RFX2: variants seen among roughly 807,000 people sequenced by gnomAD.
The protein encoded by RFX2 is regulatory factor X2.
In RFX2, 20 loss-of-function variants were observed where a neutral mutation model predicts 87.8. The ratio of observed to expected loss-of-function variants is 0.23; its 90% CI spans 0.16 to 0.33. The LOEUF is 0.33. Among genes scored for constraint, RFX2 ranks in the 10% least tolerant of loss-of-function variants. The pLI, the probability that RFX2 is intolerant of heterozygous loss-of-function variation, is 1.00. For missense variants in RFX2, 767 were observed against 1,012.3 expected, an observed-to-expected ratio of 0.76 and a Z score of 3.29; for synonymous variants, 397 against 431.3, an observed-to-expected ratio of 0.92 and a Z score of 0.98.
Position 6,026,277 on chromosome 19 carries a change from GA to G in RFX2, c.523-41del, listed in dbSNP as rs34910462. ...TGCAGAAACAAAACAAAACAAAATGGAAAAAAAAAAAAAGGAAATCAGATGG... is the reference window on the plus strand; with the variant it reads ...TGCAGAAACAAAACAAAACAAAATGGAAAAAAAAAAAAGGAAATCAGATGG... On this transcript the variant is annotated intron_variant, in intron 5 of 17. Transcript: ENST00000303657. The surrounding 1 kb of genome is among the most constrained non-coding windows in gnomAD (Gnocchi z 4.5). 160,935 of 1,026,904 alleles carry G rather than the reference GA, an allele frequency of 0.16. 7 individuals are homozygous for G. The highest frequency in any genetic ancestry group is 0.22 in the South Asian group (11,699 of 53,562). The allele number at this position is 1,026,904 out of a possible 1,614,324, so 63.6% of individuals were successfully genotyped here. A position where few individuals can be genotyped will look rare whatever the true frequency, so the allele number is the denominator to read the frequency against.
At chr19:6,049,855 C>T (rs963098929) in intron 1 of RFX2, among the ~76,000 whole-genome samples, 5 of 152,260 alleles carry the variant, frequency 3.3e-5, no homozygotes, top group Non-Finnish European at 5.9e-5. Context: ...ACACTATTTA[C>T]CATGTGTTGT....
At position 6,024,890 on chromosome 19, in the gene RFX2, G is replaced by A. The variant is rs989017088; in HGVS notation, c.597+1273C>T. On this transcript the variant is annotated intron_variant, in intron 6 of 17. Coordinates refer to ENST00000303657, the MANE Select transcript of RFX2 (RefSeq NM_000635.4). The surrounding 1 kb of genome is among the most constrained non-coding windows in gnomAD (Gnocchi z 5.0). ...AGGACGGGAGTGAGGACGGGATCAC[G>A]GTGAGGACGGGAGTCAGGACGGGAT... Among the ~76,000 whole-genome samples the A allele has an allele frequency of 2.0e-4, 29 of 143,622 alleles. No homozygotes were observed. Among genetic ancestry groups the A allele is most frequent in the Non-Finnish European group, 6.1e-5 (4 of 65,670 alleles). The allele number at this position is 143,622 out of a possible 152,430, so 94.2% of individuals were successfully genotyped here. A position where few individuals can be genotyped will look rare whatever the true frequency, so the allele number is the denominator to read the frequency against.
intron 1 of RFX2, among the ~76,000 whole-genome samples, chr19:6,068,738 TG>T (rs1475764475): frequency 6.6e-6 from 1 of 152,094 alleles, no homozygotes; most frequent in Non-Finnish European, 1.5e-5. Context: ...CACAGGCCAT[TG>T]TAGGGGCTCT....
intron 5 of RFX2, among the ~76,000 whole-genome samples, chr19:6,038,289 T>C (rs113735104): frequency 0.025 from 3,054 of 122,384 alleles, 73 homozygotes; most frequent in Middle Eastern, 0.13. Flanking sequence ...ATGGTGCCAC[T>C]GCACTCCAGC....
chr19:6,072,268 GACCTT>G (rs1295767596), intron 1 of RFX2: 1 of 152,266 alleles, frequency 6.6e-6, no homozygotes, highest in African/African-American at 2.4e-5. Context: ...CCACCTTTCA[GACCTT>G]TCCATGTTCC....
At position 6,061,968 on chromosome 19, in the gene RFX2, C is replaced by T. The variant is rs562629527; in HGVS notation, c.-8-14464G>A. On this transcript the variant is annotated intron_variant, in intron 1 of 17. Transcript: ENST00000303657. This position sits in a 1 kb window ranked among gnomAD's most constrained non-coding sequence, Gnocchi z 5.2. ...ACCAGCCTGGGCAACATAGCGAGGC[C>T]CCATCTCTACAAACAAACAAACAAA... 6.6e-6 allele frequency among the ~76,000 whole-genome samples: 1 copy of T among 152,000 alleles called. No homozygotes were observed. The highest frequency in any genetic ancestry group is 2.4e-5 in the African/African-American group (1 of 41,362).
At chr19:6,085,548 T>C (rs1361525409) in intron 1 of RFX2, among the ~76,000 whole-genome samples, 1 of 152,220 alleles carries the variant, frequency 6.6e-6, no homozygotes, top group African/African-American at 2.4e-5. Flanking sequence ...AACATTTTCT[T>C]CCATTCCTTG....
At chr19:6,070,167 GT>G (rs2087582278) in intron 1 of RFX2, among the ~76,000 whole-genome samples, 1 of 70,296 alleles carries the variant, frequency 1.4e-5, no homozygotes. Flanking sequence ...GGGATGGGAT[GT>G]GAATGGGATG....
chr19:6,025,139 T>C (rs1020311098), intron 6 of RFX2, among the ~76,000 whole-genome samples: 1 of 152,172 alleles, frequency 6.6e-6, no homozygotes, highest in Non-Finnish European at 1.5e-5. Context: ...TCCAGCTATG[T>C]GCAAAACCGA....
At chr19:6,051,982 A>G (rs1025329977) in intron 1 of RFX2, among the ~76,000 whole-genome samples, 1 of 152,156 alleles carries the variant, frequency 6.6e-6, no homozygotes, top group Non-Finnish European at 1.5e-5. Context: ...GGTTCACGCC[A>G]TTCTCCTGCC....
chr19:6,053,085 A>G (rs2087286768), intron 1 of RFX2, among the ~76,000 whole-genome samples: 1 of 152,172 alleles, frequency 6.6e-6, no homozygotes. Flanking sequence ...AAAGAACAAA[A>G]TTAATGAAAT....
At chr19:6,066,494 A>G (rs2087514713) in intron 1 of RFX2, among the ~76,000 whole-genome samples, 1 of 152,196 alleles carries the variant, frequency 6.6e-6, no homozygotes. Flanking sequence ...TGATTTTCTG[A>G]ACACCAGGAA....
Position 5,994,869 on chromosome 19 carries a change from C to T in RFX2, c.2138G>A (p.Arg713His), listed in dbSNP as rs769353990. ...SLGEPLVKRE[R>H]SDPNHSLQGI ...CTGCAGGGAGTGGTTGGGGTCACTG[C>T]GCTCCCGCTTTACCAGGGGCTCACC... is the stretch of plus-strand genomic sequence containing the variant. The change falls in exon 18 of 18, where the codon CGC becomes CAC. Residue 713 changes from arginine (R) to histidine (H), a missense_variant. Arg to His is a conservative substitution (Grantham distance 29). Coordinates refer to ENST00000303657, the MANE Select transcript of RFX2 (RefSeq NM_000635.4). The T allele has an allele frequency of 1.9e-5, 30 of 1,610,288 alleles. No homozygotes were observed. Among genetic ancestry groups the T allele is most frequent in the East Asian group, 6.7e-5 (3 of 44,882 alleles).
chr19:6,092,673 C>A (rs546916832), intron 1 of RFX2, among the ~76,000 whole-genome samples: 3 of 145,776 alleles, frequency 2.1e-5, no homozygotes, highest in Admixed American at 1.4e-4. Context: ...CACACGTGGA[C>A]TGTAGGATAG....
intron 5 of RFX2, among the ~76,000 whole-genome samples, chr19:6,029,262 A>C (rs1473387485): frequency 6.6e-6 from 1 of 152,142 alleles, no homozygotes; most frequent in Non-Finnish European, 1.5e-5. Context: ...CACGCAAAAA[A>C]AAAAAAAGAA....
rs77614605 is a variant in RFX2, at chr19:6,028,105, A to T, written c.523-1868T>A. On this transcript the variant is annotated intron_variant, in intron 5 of 17. Transcript: ENST00000303657. Reference sequence around the variant, plus strand: ...TTAAATGTATTATTTCCCTTATTAGAAATCAAAATAGATAATTTTTAAAAA... The same window carrying T: ...TTAAATGTATTATTTCCCTTATTAGTAATCAAAATAGATAATTTTTAAAAA... 4.6e-3 allele frequency among the ~76,000 whole-genome samples: 694 copies of T among 152,290 alleles called. 7 individuals carry two copies. The highest frequency in any genetic ancestry group is 0.016 in the African/African-American group (654 of 41,544).
chr19:6,040,246 T>G lies in RFX2; in HGVS notation c.261-5A>C. The G allele has an allele frequency of 1.3e-6, 2 of 1,533,652 alleles. No homozygotes were observed. Among genetic ancestry groups the G allele is most frequent in the South Asian group, 2.5e-5 (2 of 81,260 alleles). Reference sequence around the variant, plus strand: ...TTGTAGGTGTAGGCTGTTCGTCTGTTAGAAAGAGAGAAGTCACGCATGGGA... The same window carrying G: ...TTGTAGGTGTAGGCTGTTCGTCTGTGAGAAAGAGAGAAGTCACGCATGGGA... On this transcript the variant is annotated splice_polypyrimidine_tract_variant and splice_region_variant and intron_variant, in intron 4 of 17. Coordinates refer to ENST00000303657, the MANE Select transcript of RFX2 (RefSeq NM_000635.4). This position sits in a 1 kb window ranked among gnomAD's most constrained non-coding sequence, Gnocchi z 6.1.
In RFX2 at chr19:5,993,993, G is replaced by C. The variant is rs1303177390; in HGVS notation, c.*842C>G. ...AAACTCCTTCCACAGCCAGTGGCTT[G>C]ATGGTGACGGTGAACTTGGACAGAG... On this transcript the variant is annotated 3_prime_UTR_variant, in exon 18 of 18. Coordinates refer to ENST00000303657, the MANE Select transcript of RFX2 (RefSeq NM_000635.4). 2 of 152,254 alleles carry C rather than the reference G, an allele frequency of 1.3e-5. No homozygotes were observed. The highest frequency in any genetic ancestry group is 2.4e-5 in the African/African-American group (1 of 41,464). The allele number at this position is 152,254 out of a possible 1,614,324, so 9.4% of individuals were successfully genotyped here.
Position 6,026,380 on chromosome 19 carries a change from A to G in RFX2, c.523-143T>C. On this transcript the variant is annotated intron_variant, in intron 5 of 17. Coordinates refer to ENST00000303657, the MANE Select transcript of RFX2 (RefSeq NM_000635.4). The surrounding 1 kb of genome is among the most constrained non-coding windows in gnomAD (Gnocchi z 4.5). ...TCCTACAAAATAAAAATGAGGCTCC[A>G]CGCAGGCAGGGCGGGGGTGAGTTAA... 1 of 715,904 alleles carries G rather than the reference A, an allele frequency of 1.4e-6. No homozygotes were observed. The highest frequency in any genetic ancestry group is 2.6e-5 in the Admixed American group (1 of 38,372). The allele number at this position is 715,904 out of a possible 1,614,324, so 44.3% of individuals were successfully genotyped here.
Sources: gnomAD v4.1 joint callset for allele counts (sites outside exome capture counted in the v4.1 genomes callset) on GRCh38, gnomAD v4.1.1 for gene constraint, Gnocchi (gnomAD v3.1) non-coding constraint, MANE v1.5 for transcripts, NCBI Gene and HGNC (gene_info 2026-07-23, HGNC 2026-07-21) for gene names.